Variants in RCOR3 observed in about 807,000 individuals in gnomAD.
RCOR3 encodes the protein REST corepressor 3.
In RCOR3, 13 loss-of-function variants were observed where a neutral mutation model predicts 64.1. That is an observed-to-expected ratio of 0.20 (90% CI 0.13 to 0.32). RCOR3 has a LOEUF of 0.32. Ranked by LOEUF, RCOR3 falls within the 10% of genes least tolerant of loss-of-function variation. RCOR3 has a pLI of 1.00. For synonymous variants in RCOR3, 215 were observed against 239.0 expected (o/e 0.90, Z 0.93); for missense variants, 489 against 701.2 (o/e 0.70, Z 3.42).
chr1:211,286,110 T>C (rs1009467797), intron 7 of RCOR3, among the ~76,000 whole-genome samples: 1 of 152,222 alleles, frequency 6.6e-6, no homozygotes, highest in Admixed American at 6.5e-5. Flanking sequence ...TATTAATATT[T>C]TATCTGAAGA....
intron 8 of RCOR3, among the ~76,000 whole-genome samples, chr1:211,294,927 G>A (rs984607589): frequency 3.3e-5 from 5 of 151,998 alleles, no homozygotes; most frequent in African/African-American, 1.2e-4. Flanking sequence ...GCCTAGGCTA[G>A]AGTGCATTGG....
chr1:211,302,551 A>T (rs1380303561), intron 9 of RCOR3: 1 of 152,246 alleles, frequency 6.6e-6, no homozygotes, highest in Non-Finnish European at 1.5e-5. Flanking sequence ...TATAGTCAGA[A>T]AAGATACGCC....
At chr1:211,296,180 T>C (rs1699845859) in intron 9 of RCOR3, among the ~76,000 whole-genome samples, 1 of 152,162 alleles carries the variant, frequency 6.6e-6, no homozygotes, top group Non-Finnish European at 1.5e-5. Context: ...TAATTTAAGA[T>C]AATTGTCTTT....
At chr1:211,260,044 C>T in intron 1 of RCOR3, 64 bp from the exon 2 acceptor site, 3 of 1,376,224 alleles carry the variant, frequency 2.2e-6, no homozygotes, top group Non-Finnish European at 1.9e-6. Flanking sequence ...TTAAGTGTCT[C>T]TTCCTTTTTC....
intron 2 of RCOR3, among the ~76,000 whole-genome samples, chr1:211,267,507 T>G (rs1044339608): frequency 6.6e-6 from 1 of 152,236 alleles, no homozygotes; most frequent in South Asian, 2.1e-4. Flanking sequence ...TCACCGATAT[T>G]GGAAGAGCTG....
At chr1:211,292,192 T>C (rs180775175) in intron 8 of RCOR3, among the ~76,000 whole-genome samples, 18 of 152,370 alleles carry the variant, frequency 1.2e-4, no homozygotes, top group Non-Finnish European at 2.6e-4. Context: ...TTTTTGGAAT[T>C]TCTTTCACTT....
Position 211,313,466 on chromosome 1 carries a change from C to T in RCOR3, c.1360C>T (p.Pro454Ser). ...TCCTCGGACACTGGGTCCATCACCT[C>T]CTGCCCCATCATCCACTCCAACACC... ...QAPRTLGPSP[P>S]APSSTPTPTA... is the part of the protein sequence containing the mutation. Residue 454 changes from proline to serine, a missense_variant, in exon 12 of 12, where the codon CCT becomes TCT. Transcript: ENST00000419091. This position sits in a 1 kb window ranked among gnomAD's most constrained non-coding sequence, Gnocchi z 4.7. The T allele has an allele frequency of 1.2e-6, 2 of 1,614,122 alleles. No individual in the cohort carries two copies. Among genetic ancestry groups the T allele is most frequent in the East Asian group, 2.2e-5 (1 of 44,882 alleles).
At chr1:211,291,823 C>T (rs1396695848) in intron 8 of RCOR3, among the ~76,000 whole-genome samples, 2 of 152,072 alleles carry the variant, frequency 1.3e-5, no homozygotes, top group African/African-American at 4.8e-5. Flanking sequence ...AACACCTCTC[C>T]GAAGATCATT....
intron 10 of RCOR3, among the ~76,000 whole-genome samples, chr1:211,307,000 C>T (rs1700911235): frequency 1.3e-5 from 2 of 152,060 alleles, no homozygotes; most frequent in Admixed American, 6.6e-5. Flanking sequence ...TGTTCCAACC[C>T]TAAGTATCTA....
intron 2 of RCOR3, among the ~76,000 whole-genome samples, chr1:211,267,019 G>A (rs1695322911): frequency 6.6e-6 from 1 of 152,222 alleles, no homozygotes; most frequent in Admixed American, 6.5e-5. Flanking sequence ...GATAAGGTGA[G>A]AAGAAGCCTT....
chr1:211,272,894 TA>T (rs1696438739), intron 3 of RCOR3, among the ~76,000 whole-genome samples: 1 of 151,992 alleles, frequency 6.6e-6, no homozygotes, highest in African/African-American at 2.4e-5. Context: ...GTGCTGGGAT[TA>T]CAGGCGTGAG....
intron 10 of RCOR3, among the ~76,000 whole-genome samples, chr1:211,310,473 GAGTTAATTATAAGCATATTAT>G (rs1342639746): frequency 1.3e-5 from 2 of 152,170 alleles, no homozygotes; most frequent in Non-Finnish European, 2.9e-5. Context: ...TGGCATACAT[GAGTTAATTATAAGCATATTAT>G]AGTTAATTAT....
intron 4 of RCOR3, among the ~76,000 whole-genome samples, chr1:211,275,902 A>G (rs1391995602): frequency 1.3e-5 from 2 of 152,064 alleles, no homozygotes; most frequent in Non-Finnish European, 2.9e-5. Context: ...TTTATTGGAA[A>G]TTTTCCTTTT....
chr1:211,288,244 C>G (rs952845742), intron 7 of RCOR3, among the ~76,000 whole-genome samples: 1 of 151,444 alleles, frequency 6.6e-6, no homozygotes, highest in Non-Finnish European at 1.5e-5. Flanking sequence ...TAAATATATT[C>G]ATTGAAATAA....
chr1:211,267,299 G>A (rs1436119408), intron 2 of RCOR3, among the ~76,000 whole-genome samples: 1 of 152,158 alleles, frequency 6.6e-6, no homozygotes, highest in African/African-American at 2.4e-5. Context: ...GTTGGGCTTC[G>A]TAGTTCATAT....
intron 2 of RCOR3, among the ~76,000 whole-genome samples, chr1:211,263,303 A>G (rs1031703102): frequency 6.6e-6 from 1 of 151,990 alleles, no homozygotes; most frequent in Non-Finnish European, 1.5e-5. Context: ...TCCAAGTCTT[A>G]GCTATTGTTA....
intron 5 of RCOR3, 54 bp from the exon 6 acceptor site, chr1:211,278,059 AAATT>A: frequency 6.9e-7 from 1 of 1,440,164 alleles, no homozygotes; most frequent in Non-Finnish European, 9.5e-7. Flanking sequence ...GATATCATCA[AAATT>A]ATTCATTTTG....
At chr1:211,289,447 G>A (rs1698973227) in intron 8 of RCOR3, 51 bp downstream of exon 8, 5 of 1,428,160 alleles carry the variant, frequency 3.5e-6, no homozygotes, top group Non-Finnish European at 4.8e-6. Context: ...TTGGCTATCC[G>A]CTTTTACCTT....
intron 10 of RCOR3, among the ~76,000 whole-genome samples, chr1:211,307,222 C>T (rs916792425): frequency 2.6e-5 from 4 of 152,142 alleles, no homozygotes; most frequent in African/African-American, 9.7e-5. Flanking sequence ...GGTGTGGTGG[C>T]TCACGCCTGT....
Sources: allele counts gnomAD v4.1 joint callset (sites outside exome capture counted in the v4.1 genomes callset), GRCh38; gene constraint gnomAD v4.1.1; non-coding constraint Gnocchi (gnomAD v3.1); transcripts MANE v1.5; gene names NCBI Gene and HGNC (gene_info 2026-07-23, HGNC 2026-07-21).